The following NCAM2 variants were observed in gnomAD, a reference collection of about 807,000 sequenced individuals.
The protein encoded by NCAM2 is neural cell adhesion molecule 2.
In NCAM2, 30 loss-of-function variants were observed where a neutral mutation model predicts 98.1. The ratio of observed to expected loss-of-function variants is 0.31; its 90% confidence interval spans 0.23 to 0.41. The LOEUF is 0.41. NCAM2 is among the 10% of genes least tolerant of loss of function. The probability of loss-of-function intolerance (pLI) is 1.00; values close to 1 mark genes in which losing one functional copy is unlikely to be tolerated. For synonymous variants in NCAM2, 368 were observed against 342.4 expected (o/e 1.07, Z -0.83); for missense variants, 867 against 1,005.8 (o/e 0.86, Z 1.87).
In NCAM2 at chr21:21,522,063, GT is replaced by G. The variant is rs1316889919; in HGVS notation, c.2283-12473del. 2.2e-4 allele frequency among the ~76,000 whole-genome samples: 32 copies of G among 147,102 alleles called. No homozygotes were observed. In the Admixed American group the frequency reaches 2.2e-3, roughly 10 times the overall value. ...TCATATTCATATATATGAATGAATA[GT>G]ATATATATTTTATATATGAATCCAT... On this transcript the variant is annotated intron_variant, in intron 16 of 17. Coordinates refer to ENST00000400546, the MANE Select transcript of NCAM2 (RefSeq NM_004540.5).
At chr21:21,058,118 G>C (rs986725462) in intron 1 of NCAM2, among the ~76,000 whole-genome samples, 5 of 131,654 alleles carry the variant, frequency 3.8e-5, no homozygotes, top group African/African-American at 1.5e-4. Context: ...CAAAAAGAAT[G>C]TGCCAAAGTG....
At chr21:21,214,593 C>T (rs1013665453) in intron 1 of NCAM2, among the ~76,000 whole-genome samples, 1 of 151,710 alleles carries the variant, frequency 6.6e-6, no homozygotes, top group South Asian at 2.1e-4. Context: ...GAACTACTTA[C>T]AATTAAGTTT....
At chr21:21,014,721 C>T (rs2064274104) in intron 1 of NCAM2, among the ~76,000 whole-genome samples, 1 of 152,176 alleles carries the variant, frequency 6.6e-6, no homozygotes, top group South Asian at 2.1e-4. Context: ...AATTTTGACT[C>T]TTGCTCTTAT....
chr21:21,518,087 T>C (rs1988812117), intron 16 of NCAM2, among the ~76,000 whole-genome samples: 1 of 152,164 alleles, frequency 6.6e-6, no homozygotes, highest in South Asian at 2.1e-4. Flanking sequence ...GCATGCAATA[T>C]ATGTAAAATT....
At chr21:21,469,543 G>A (rs765749058) in intron 14 of NCAM2, among the ~76,000 whole-genome samples, 19 of 151,884 alleles carry the variant, frequency 1.3e-4, no homozygotes, top group Admixed American at 2.6e-4. Context: ...TACAACATGC[G>A]TTTTATGCTT....
At chr21:21,262,992 C>G (rs1372020392) in intron 1 of NCAM2, among the ~76,000 whole-genome samples, 1 of 152,082 alleles carries the variant, frequency 6.6e-6, no homozygotes, top group African/African-American at 2.4e-5. Flanking sequence ...CCCACCGGGT[C>G]ACTCCCACAA....
intron 9 of NCAM2, among the ~76,000 whole-genome samples, chr21:21,377,548 A>G (rs1040583712): frequency 2.6e-5 from 4 of 151,940 alleles, no homozygotes; most frequent in Admixed American, 1.3e-4. Context: ...GCTTTTAAAA[A>G]TTTATCATTA....
intron 1 of NCAM2, among the ~76,000 whole-genome samples, chr21:21,166,201 A>G (rs2067945539): frequency 6.6e-6 from 1 of 152,024 alleles, no homozygotes. Context: ...ATCAAGACTT[A>G]TATTATTTAT....
chr21:21,414,507 G>T (rs1328041691), intron 10 of NCAM2, among the ~76,000 whole-genome samples: 1 of 138,656 alleles, frequency 7.2e-6, no homozygotes, highest in Non-Finnish European at 1.5e-5. Context: ...GTCTCGCTCT[G>T]TCGCCCAGGC....
intron 1 of NCAM2, among the ~76,000 whole-genome samples, chr21:21,270,839 G>C (rs1413539847): frequency 6.6e-6 from 1 of 151,834 alleles, no homozygotes; most frequent in African/African-American, 2.4e-5. Context: ...CTTGATGTCT[G>C]ATGGGCCTGT....
At chr21:21,434,669 G>A (rs2077429761) in intron 12 of NCAM2, among the ~76,000 whole-genome samples, 1 of 151,860 alleles carries the variant, frequency 6.6e-6, no homozygotes, top group African/African-American at 2.4e-5. Flanking sequence ...TCATCTTCCA[G>A]TATTAGAAAA....
chr21:21,411,497 G>A (rs1182215606), intron 10 of NCAM2, among the ~76,000 whole-genome samples: 2 of 151,420 alleles, frequency 1.3e-5, no homozygotes, highest in Non-Finnish European at 2.9e-5. Flanking sequence ...CAAGTAATTG[G>A]CCTTTAAATA....
rs535418378 is a variant in NCAM2, at chr21:21,492,349, A to T, written c.2077+14878A>T. Among the ~76,000 whole-genome samples the T allele has an allele frequency of 3.0e-4, 45 of 151,954 alleles. 1 individual carries two copies. The South Asian group carries it at 5.8e-3, about 20-fold the overall frequency. On this transcript the variant is annotated intron_variant, in intron 15 of 17. Coordinates refer to ENST00000400546, the MANE Select transcript of NCAM2 (RefSeq NM_004540.5). ...ATTGGCCTGTGGAGAACAACAACAA[A>T]AAATCCCTATGTGTCAGAGGAAAGG...
At chr21:21,418,796 G>A (rs2077046287) in intron 11 of NCAM2, among the ~76,000 whole-genome samples, 2 of 152,098 alleles carry the variant, frequency 1.3e-5, no homozygotes, top group South Asian at 4.1e-4. Flanking sequence ...CAAAGAATAA[G>A]ATATGCTGTT....
chr21:20,998,460 C>T lies in NCAM2; in HGVS notation c.-104C>T, dbSNP rs2063957913. ...GCGGGCGGCTGGGGCACCGCGGGAGCGGCGGCGGCGGCTCTAGCAGAGGCG... is the reference window on the plus strand; with the variant it reads ...GCGGGCGGCTGGGGCACCGCGGGAGTGGCGGCGGCGGCTCTAGCAGAGGCG... On this transcript the variant is annotated 5_prime_UTR_variant, in exon 1 of 18. Coordinates refer to ENST00000400546, the MANE Select transcript of NCAM2 (RefSeq NM_004540.5). 5 of 1,068,296 alleles carry T rather than the reference C, an allele frequency of 4.7e-6. No individual in the cohort carries two copies. In the Admixed American group the frequency reaches 1.1e-4, roughly 24 times the overall value. 66.2% of individuals were successfully genotyped at this position (1,068,296 alleles called of 1,614,324 possible). A position where few individuals can be genotyped will look rare whatever the true frequency, so the allele number is the denominator to read the frequency against.
intron 9 of NCAM2, among the ~76,000 whole-genome samples, chr21:21,382,516 GA>G (rs1306689039): frequency 4.0e-5 from 5 of 125,948 alleles, no homozygotes; most frequent in African/African-American, 1.6e-4. Context: ...TTATTTCAGG[GA>G]TTTTTTTTTT....
chr21:21,082,225 T>TTAA, intron 1 of NCAM2, among the ~76,000 whole-genome samples: 1 of 82,912 alleles, frequency 1.2e-5, no homozygotes, highest in East Asian at 3.8e-4. Context: ...GAGAATCCTT[T>TTAA]AAAAAAAAAA....
intron 1 of NCAM2, among the ~76,000 whole-genome samples, chr21:21,076,177 T>A (rs1238076670): frequency 1.3e-5 from 2 of 151,758 alleles, no homozygotes; most frequent in Non-Finnish European, 2.9e-5. Flanking sequence ...AATAAAAGTA[T>A]AATTTATATT....
At chr21:21,403,957 C>A (rs1252416660) in intron 9 of NCAM2, among the ~76,000 whole-genome samples, 1 of 151,916 alleles carries the variant, frequency 6.6e-6, no homozygotes, top group African/African-American at 2.4e-5. Flanking sequence ...AATAAAGTCA[C>A]TATTTAAGGG....
Sources: allele counts gnomAD v4.1 joint callset (sites outside exome capture counted in the v4.1 genomes callset), GRCh38; gene constraint gnomAD v4.1.1; transcripts MANE v1.5; gene names NCBI Gene and HGNC (gene_info 2026-07-23, HGNC 2026-07-21).